Variants in LRGUK observed in about 807,000 individuals in gnomAD.
LRGUK encodes the protein leucine-rich repeat and guanylate kinase domain-containing protein.
LRGUK carries 65 observed loss-of-function variants against 76.0 expected under a neutral mutation model. The observed-to-expected ratio is 0.85, with a 90% CI of 0.70 to 1.05. The LOEUF (loss-of-function observed/expected upper bound fraction) is 1.05. LRGUK is among the 50% of genes least tolerant of loss of function. The pLI, the probability that LRGUK is intolerant of heterozygous loss-of-function variation, is 0.00. For missense variants in LRGUK, 758 were observed against 732.8 expected (o/e 1.03, Z -0.40); for synonymous variants, 268 against 265.6 (o/e 1.01, Z -0.09).
At chr7:134,224,267 G>A (rs1801678073) in intron 16 of LRGUK, among the ~76,000 whole-genome samples, 1 of 152,212 alleles carries the variant, frequency 6.6e-6, no homozygotes, top group Non-Finnish European at 1.5e-5. Flanking sequence ...GACAATCAGA[G>A]GCAGCCCATT....
exon 16 of LRGUK, chr7:134,208,933 C>G: frequency 2.5e-6 from 1 of 399,118 alleles, no homozygotes; most frequent in East Asian, 3.6e-5. Flanking sequence ...ACAGCCATCT[C>G]AATCCTGAGC....
chr7:134,231,723 T>G (rs868670884), intron 16 of LRGUK, among the ~76,000 whole-genome samples: 1 of 51,616 alleles, frequency 1.9e-5, no homozygotes, highest in Admixed American at 1.9e-4. Flanking sequence ...GTTCTCCCTC[T>G]CTTCCTCCCT....
chr7:134,232,511 C>T (rs1801926181), intron 16 of LRGUK, among the ~76,000 whole-genome samples: 1 of 152,118 alleles, frequency 6.6e-6, no homozygotes, highest in African/African-American at 2.4e-5. Context: ...AACTCCTGAC[C>T]TCGTGATCTG....
exon 20 of LRGUK, chr7:134,264,016 C>G (rs144197616): frequency 2.2e-5 from 35 of 1,566,266 alleles, no homozygotes; most frequent in Non-Finnish European, 2.8e-5. Flanking sequence ...AAAACCTGCT[C>G]TGCTGATGTC....
intron 16 of LRGUK, among the ~76,000 whole-genome samples, chr7:134,244,606 G>T (rs1157198042): frequency 1.3e-5 from 2 of 152,180 alleles, no homozygotes; most frequent in East Asian, 3.8e-4. Context: ...ACTGTTGGTG[G>T]GACTGTAAAC....
intron 18 of LRGUK, among the ~76,000 whole-genome samples, chr7:134,250,746 G>T (rs1329205992): frequency 6.6e-6 from 1 of 152,150 alleles, no homozygotes; most frequent in Non-Finnish European, 1.5e-5. Flanking sequence ...TGATCTCTGA[G>T]GATTTGTTTG....
chr7:134,178,382 T>C, intron 9 of LRGUK, 121 bp from the exon 10 acceptor site: 2 of 616,918 alleles, frequency 3.2e-6, no homozygotes, highest in Non-Finnish European at 5.6e-6. Context: ...TGGGTGTGTG[T>C]TAAATTATTT....
chr7:134,132,728 G>T (rs536587248), intron 1 of LRGUK, among the ~76,000 whole-genome samples: 11 of 152,132 alleles, frequency 7.2e-5, no homozygotes, highest in Non-Finnish European at 1.2e-4. Flanking sequence ...AGACAAAAGG[G>T]GGCAAAAATG....
intron 15 of LRGUK, among the ~76,000 whole-genome samples, chr7:134,204,872 A>G (rs1465003707): frequency 6.6e-6 from 1 of 152,204 alleles, no homozygotes; most frequent in Non-Finnish European, 1.5e-5. Context: ...AGCCAACCAT[A>G]GTTACCTTAA....
chr7:134,271,423 A>C, the LRGUK span, among the ~76,000 whole-genome samples: 1 of 151,736 alleles, frequency 6.6e-6, no homozygotes, highest in Admixed American at 6.6e-5. Flanking sequence ...ATTTTTGTTA[A>C]GTTTCACTCT....
chr7:134,211,153 G>C (rs970568634), downstream of LRGUK, among the ~76,000 whole-genome samples: 1 of 152,226 alleles, frequency 6.6e-6, no homozygotes, highest in Admixed American at 6.5e-5. Context: ...CAGCCAATCT[G>C]CACTCCTGTG....
In LRGUK at chr7:134,239,277, A is replaced by C. The variant is rs113256185; in HGVS notation, c.1984-8279A>C. ...ATCGCCTCACCCGGGAAGCGCAAGG[A>C]GTCGGGGAATTCCCTTTCCTAGCAA... On this transcript the variant is annotated intron_variant, in intron 16 of 19. Coordinates refer to the LRGUK transcript ENST00000285928. Among the ~76,000 whole-genome samples the C allele has an allele frequency of 2.6e-3, 393 of 152,334 alleles. 1 individual carries two copies. Among genetic ancestry groups the C allele is most frequent in the South Asian group, 9.3e-3 (45 of 4,830 alleles).
At chr7:134,257,827 C>T (rs1475418502) in intron 18 of LRGUK, among the ~76,000 whole-genome samples, 1 of 151,724 alleles carries the variant, frequency 6.6e-6, no homozygotes, top group Non-Finnish European at 1.5e-5. Context: ...AAAAAGGAAG[C>T]AAAATCACAG....
At chr7:134,161,688 C>CT (rs57550981) in intron 6 of LRGUK, among the ~76,000 whole-genome samples, 15,018 of 105,436 alleles carry the variant, frequency 0.14, 1,305 homozygotes, top group East Asian at 0.34. Flanking sequence ...TATTGTTATT[C>CT]TTTTTTTTTT....
intron 16 of LRGUK, among the ~76,000 whole-genome samples, chr7:134,235,439 A>G (rs1249550237): frequency 2.0e-5 from 3 of 151,720 alleles, no homozygotes; most frequent in African/African-American, 7.3e-5. Context: ...ACATTTTACC[A>G]CCTCTATGCT....
chr7:134,264,746 C>CTAT (rs1802825694), downstream of LRGUK, among the ~76,000 whole-genome samples: 1 of 152,152 alleles, frequency 6.6e-6, no homozygotes, highest in Non-Finnish European at 1.5e-5. Context: ...GCTAGTATGT[C>CTAT]CCAGTAGGCT....
At chr7:134,261,291 A>ATT (rs36065624) in intron 19 of LRGUK, among the ~76,000 whole-genome samples, 1 of 149,230 alleles carries the variant, frequency 6.7e-6, no homozygotes, top group African/African-American at 2.5e-5. Context: ...TGTGAAGTTG[A>ATT]TTTTTTTTTT....
rs1454952396 is a variant in LRGUK at position 134,197,103 on chromosome 7, GAAGT to G, written c.1545+3_1545+6del. On this transcript the variant is annotated splice_donor_variant and coding_sequence_variant, in exon 13 of 16. Transcript: ENST00000645682. LOFTEE classifies it high-confidence loss of function. ...GGCAAGCTGTATTCATATGGAAATA[GAAGT>G]AAGTGTTTTCATTCAACCAATTAAT... 3.2e-6 allele frequency: 5 copies of G among 1,572,794 alleles called. No homozygotes were observed. In the South Asian group the frequency reaches 3.3e-5, roughly 10 times the overall value.
chr7:134,269,548 C>G (rs1255262072), downstream of LRGUK, among the ~76,000 whole-genome samples: 2 of 151,858 alleles, frequency 1.3e-5, no homozygotes, highest in Admixed American at 1.3e-4. Flanking sequence ...TGAGGTCTCA[C>G]CATGTTGTCC....
Sources: gnomAD v4.1 joint callset for allele counts (sites outside exome capture counted in the v4.1 genomes callset) on GRCh38, gnomAD v4.1.1 for gene constraint, MANE v1.5 for transcripts, NCBI Gene and HGNC (gene_info 2026-07-23, HGNC 2026-07-21) for gene names.